MYO10: variants seen among roughly 807,000 people sequenced by gnomAD.
MYO10 encodes the protein myosin X, also known as unconventional myosin-X.
A neutral mutation model predicts 257.3 loss-of-function variants in MYO10; 133 were observed. That is an observed-to-expected ratio of 0.52 (90% confidence interval 0.45 to 0.60). MYO10 has a LOEUF of 0.60. MYO10 is among the 20% of genes least tolerant of loss of function. The pLI is 0.00. For missense variants in MYO10, 2,399 were observed against 2,635.7 expected (o/e 0.91, Z 1.97); for synonymous variants, 1,104 against 1,028.6 (o/e 1.07, Z -1.40).
intron 1 of MYO10, among the ~76,000 whole-genome samples, chr5:16,895,726 T>G (rs921075770): frequency 6.9e-6 from 1 of 144,296 alleles, no homozygotes; most frequent in Non-Finnish European, 1.5e-5. Flanking sequence ...CTGGCCATGA[T>G]GTAAGCCGCC....
At position 16,766,201 on chromosome 5, in the gene MYO10, G is replaced by A. The variant is rs1333964683; in HGVS notation, c.1061-3C>T. 2 of 1,608,702 alleles carry A rather than the reference G, an allele frequency of 1.2e-6. No individual in the cohort carries two copies. Among genetic ancestry groups the A allele is most frequent in the Non-Finnish European group, 1.7e-6 (2 of 1,175,598 alleles). ...TAACTCCGCAGATCTGCCCAAAGCT[G>A]CAGAGAATAAGACAAAGGTGAATGA... On this transcript the variant is annotated splice_region_variant and splice_polypyrimidine_tract_variant and intron_variant, in intron 10 of 40. Transcript: ENST00000513610.
chr5:16,853,331 G>A (rs914480688), intron 2 of MYO10, among the ~76,000 whole-genome samples: 15 of 150,352 alleles, frequency 1.0e-4, no homozygotes, highest in South Asian at 4.2e-4. Flanking sequence ...CTGAGATCGC[G>A]CCACTGCACT....
intron 18 of MYO10, among the ~76,000 whole-genome samples, chr5:16,757,111 T>C (rs1326306829): frequency 1.5e-5 from 2 of 129,828 alleles, no homozygotes; most frequent in Admixed American, 8.4e-5. Flanking sequence ...AGAGCGAGAC[T>C]CTGCCTTTAA....
chr5:16,893,934 G>C (rs962737675), intron 1 of MYO10, among the ~76,000 whole-genome samples: 2 of 152,164 alleles, frequency 1.3e-5, no homozygotes, highest in Non-Finnish European at 2.9e-5. Flanking sequence ...TACCCAGAGT[G>C]TGTGACAAGC....
rs1379848049 is a variant in MYO10 at position 16,711,133 on chromosome 5, T to C, written c.2042A>G (p.Asp681Gly). The C allele has an allele frequency of 6.2e-7, 1 of 1,613,946 alleles. No homozygotes were observed. The highest frequency in any genetic ancestry group is 8.5e-7 in the Non-Finnish European group (1 of 1,179,862). ...AGCTCCCTCTTGCCTTTTGTAAAAG[T>C]CCTGAAAGGGTCTTCGGACCGCATA... The part of the protein sequence containing the change: ...AGYAVRRPFQ[D>G]FYKRYKVLMR... The change falls in exon 20 of 41, where the codon GAC becomes GGC. Residue 681 changes from aspartate to glycine, a missense_variant. This residue lies in a region of MYO10 where 1,820 missense variants were observed against 1,939.4 expected (regional missense o/e 0.94). Coordinates refer to ENST00000513610, the MANE Select transcript of MYO10 (RefSeq NM_012334.3).
chr5:16,671,193 T>C (rs1018436257), intron 38 of MYO10, among the ~76,000 whole-genome samples: 1 of 152,176 alleles, frequency 6.6e-6, no homozygotes, highest in Admixed American at 6.5e-5. Flanking sequence ...ATTTTATTCC[T>C]TGTGCTCTCT....
chr5:16,849,274 C>T (rs1441556375), intron 2 of MYO10, among the ~76,000 whole-genome samples: 1 of 152,054 alleles, frequency 6.6e-6, no homozygotes, highest in East Asian at 1.9e-4. Context: ...CTCTCTTTTT[C>T]GGTAATATAA....
intron 19 of MYO10, among the ~76,000 whole-genome samples, chr5:16,713,661 T>C (rs900291270): frequency 5.9e-5 from 9 of 152,258 alleles, no homozygotes; most frequent in East Asian, 1.9e-4. Flanking sequence ...TATAGGCTGA[T>C]TGTCGCCCCG....
At chr5:16,715,748 T>C (rs1018901741) in intron 19 of MYO10, among the ~76,000 whole-genome samples, 2 of 152,074 alleles carry the variant, frequency 1.3e-5, no homozygotes, top group African/African-American at 4.8e-5. Context: ...AAAAAAGCTG[T>C]TAAAAAAATT....
At chr5:16,685,880 G>T in intron 28 of MYO10, 49 bp from the exon 29 acceptor site, 2 of 1,449,426 alleles carry the variant, frequency 1.4e-6, no homozygotes, top group Non-Finnish European at 9.5e-7. Context: ...CCTCGTACTG[G>T]CAAAGCAATA....
intron 2 of MYO10, among the ~76,000 whole-genome samples, chr5:16,846,893 G>A (rs1448635095): frequency 4.7e-5 from 7 of 150,522 alleles, no homozygotes; most frequent in Non-Finnish European, 8.9e-5. Context: ...TGAGGCAGGC[G>A]GATTACCTGA....
At chr5:16,707,045 C>T (rs1053333784) in intron 21 of MYO10, among the ~76,000 whole-genome samples, 1 of 152,174 alleles carries the variant, frequency 6.6e-6, no homozygotes, top group African/African-American at 2.4e-5. Flanking sequence ...CTTTCCCATG[C>T]TGTTCTCACG....
At chr5:16,821,973 T>C (rs1333606630) in intron 2 of MYO10, among the ~76,000 whole-genome samples, 1 of 74,930 alleles carries the variant, frequency 1.3e-5, no homozygotes, top group Non-Finnish European at 3.1e-5. Flanking sequence ...CTCAAAACAA[T>C]GTGTATTTCA....
intron 19 of MYO10, chr5:16,713,313 A>T (rs182023505): frequency 1.0e-6 from 1 of 985,800 alleles, no homozygotes; most frequent in African/African-American, 1.7e-5. Context: ...CCATCCAAAA[A>T]GTTCAGCCAC....
Position 16,936,264 on chromosome 5 carries a change from T to C in MYO10, c.-456A>G, listed in dbSNP as rs1410543325. On this transcript the variant is annotated 5_prime_UTR_variant, in exon 1 of 41. Coordinates refer to ENST00000513610, the MANE Select transcript of MYO10 (RefSeq NM_012334.3). ...GAGGTGAGCAGTCCCGCGCCGCGGC[T>C]CAGCCAGCTCTCGCCCGCGGGACTA... 6.6e-6 allele frequency: 1 copy of C among 150,530 alleles called. No homozygotes were observed. The highest frequency in any genetic ancestry group is 2.6e-5 in the African/African-American group (1 of 39,092). The allele number at this position is 150,530 out of a possible 1,614,324, so 9.3% of individuals were successfully genotyped here.
intron 2 of MYO10, among the ~76,000 whole-genome samples, chr5:16,829,346 C>A (rs1447139401): frequency 6.6e-6 from 1 of 152,134 alleles, no homozygotes; most frequent in Non-Finnish European, 1.5e-5. Context: ...ACACTAACAT[C>A]AAACACAGCA....
rs36090678 is a variant in MYO10 at position 16,781,079 on chromosome 5, ATT to A, written c.728-340_728-339del. On this transcript the variant is annotated intron_variant, in intron 6 of 40. Coordinates refer to ENST00000513610, the MANE Select transcript of MYO10 (RefSeq NM_012334.3). ...CAAATACGGTTCTTTATTTCACAGA[ATT>A]TTTTTTTTTTTTTTTTAACACAGTG... Among the ~76,000 whole-genome samples, 1,318 of 145,296 alleles carry A rather than the reference ATT, an allele frequency of 9.1e-3. 20 individuals are homozygous for A. Among genetic ancestry groups the A allele is most frequent in the African/African-American group, 0.027 (1,053 of 39,486 alleles).
intron 6 of MYO10, among the ~76,000 whole-genome samples, chr5:16,781,233 C>T (rs1270246936): frequency 6.6e-6 from 1 of 151,952 alleles, no homozygotes; most frequent in Non-Finnish European, 1.5e-5. Flanking sequence ...GCACACGCCA[C>T]CAAGCCTGGC....
chr5:16,874,720 C>T (rs2914574), intron 2 of MYO10, among the ~76,000 whole-genome samples: 8,757 of 152,238 alleles, frequency 0.058, 698 homozygotes, highest in African/African-American at 0.18. Context: ...TTCAAAACTT[C>T]CCCACATTTT....
Sources: gnomAD v4.1 joint callset for allele counts (sites outside exome capture counted in the v4.1 genomes callset) on GRCh38, gnomAD v4.1.1 for gene constraint, gnomAD v4.1.1 regional missense constraint, MANE v1.5 for transcripts, NCBI Gene and HGNC (gene_info 2026-07-23, HGNC 2026-07-21) for gene names.